The following LARGE1 variants were observed in gnomAD, a reference collection of about 807,000 sequenced individuals.
LARGE1 encodes the protein xylosyl- and glucuronyltransferase LARGE1.
LARGE1 carries 43 observed loss-of-function variants against 87.6 expected under a neutral mutation model. That is an observed-to-expected ratio of 0.49 (90% CI 0.38 to 0.63). The LOEUF is 0.63. Ranked by LOEUF, LARGE1 falls within the 30% of genes least tolerant of loss-of-function variation. The pLI is 0.00. For missense variants in LARGE1, 802 were observed against 1,000.2 expected (o/e 0.80, Z 2.67); for synonymous variants, 434 against 394.6 (o/e 1.10, Z -1.18).
chr22:33,869,109 T>C (rs1382624006), intron 1 of LARGE1, among the ~76,000 whole-genome samples: 2 of 152,174 alleles, frequency 1.3e-5, no homozygotes, highest in African/African-American at 4.8e-5. Flanking sequence ...ACCCTTTCAT[T>C]TGAAATCCAA....
intron 6 of LARGE1, among the ~76,000 whole-genome samples, chr22:33,476,943 G>A (rs1406787522): frequency 3.9e-5 from 6 of 152,182 alleles, no homozygotes; most frequent in Admixed American, 3.3e-4. Flanking sequence ...CGATTCTTCG[G>A]CTCGGTGACA....
At chr22:33,484,620 G>A (rs2069486230) in intron 6 of LARGE1, among the ~76,000 whole-genome samples, 1 of 152,128 alleles carries the variant, frequency 6.6e-6, no homozygotes, top group African/African-American at 2.4e-5. Flanking sequence ...ACAGGAGAGC[G>A]CTGGGTTCTA....
chr22:33,380,411 G>A (rs1193052811), intron 9 of LARGE1, among the ~76,000 whole-genome samples: 1 of 152,124 alleles, frequency 6.6e-6, no homozygotes, highest in Non-Finnish European at 1.5e-5. Context: ...TCTTTCTAAT[G>A]CTATAATTTC....
At chr22:33,521,752 G>A (rs1668023870) in intron 6 of LARGE1, among the ~76,000 whole-genome samples, 1 of 152,198 alleles carries the variant, frequency 6.6e-6, no homozygotes, top group Admixed American at 6.5e-5. Flanking sequence ...AGCAATGTCT[G>A]CAAGGGAAGC....
intron 1 of LARGE1, among the ~76,000 whole-genome samples, chr22:33,882,881 C>G (rs1360676554): frequency 1.3e-5 from 2 of 152,148 alleles, no homozygotes; most frequent in East Asian, 3.9e-4. Context: ...GCTCTTTTAA[C>G]TAATCACTCC....
intron 11 of LARGE1, among the ~76,000 whole-genome samples, chr22:33,237,651 G>A (rs943791562): frequency 1.3e-5 from 2 of 152,172 alleles, no homozygotes; most frequent in Admixed American, 6.6e-5. Flanking sequence ...AAATAATAAC[G>A]AGTTGTGATA....
intron 6 of LARGE1, among the ~76,000 whole-genome samples, chr22:33,501,397 G>C (rs1423307343): frequency 6.6e-6 from 1 of 152,168 alleles, no homozygotes; most frequent in African/African-American, 2.4e-5. Context: ...CAGGCCCTAG[G>C]GGGCATGAAT....
the LARGE1 span, among the ~76,000 whole-genome samples, chr22:33,132,897 T>C: frequency 1.3e-5 from 2 of 152,198 alleles, no homozygotes; most frequent in Non-Finnish European, 2.9e-5. Context: ...TATACTTTCT[T>C]TTTTAGGCTC....
chr22:33,566,999 T>C (rs986139264), intron 5 of LARGE1, among the ~76,000 whole-genome samples: 2 of 152,156 alleles, frequency 1.3e-5, no homozygotes, highest in African/African-American at 4.8e-5. Flanking sequence ...CCAGGCATCA[T>C]GGAGGTGGGG....
intron 3 of LARGE1, among the ~76,000 whole-genome samples, chr22:33,638,429 G>A (rs1399826989): frequency 6.6e-6 from 1 of 151,908 alleles, no homozygotes; most frequent in Admixed American, 6.5e-5. Context: ...ATTACCTCAT[G>A]GGGCTGCTAA....
At chr22:33,548,189 G>C (rs1383226936) in intron 6 of LARGE1, among the ~76,000 whole-genome samples, 1 of 152,174 alleles carries the variant, frequency 6.6e-6, no homozygotes, top group Admixed American at 6.5e-5. Context: ...TCTGGTGATA[G>C]AGTTCTCATG....
At chr22:33,859,678 A>G (rs1213467156) in intron 1 of LARGE1, among the ~76,000 whole-genome samples, 1 of 152,212 alleles carries the variant, frequency 6.6e-6, no homozygotes, top group African/African-American at 2.4e-5. Flanking sequence ...GATTAACGAA[A>G]TCAACAAAAT....
chr22:33,818,311 A>G (rs1010616960), intron 1 of LARGE1, among the ~76,000 whole-genome samples: 2 of 152,226 alleles, frequency 1.3e-5, no homozygotes, highest in Non-Finnish European at 2.9e-5. Flanking sequence ...TGTCGCTGCA[A>G]GGAGAACATA....
intron 6 of LARGE1, among the ~76,000 whole-genome samples, chr22:33,530,158 C>G (rs2072125412): frequency 6.6e-6 from 1 of 152,206 alleles, no homozygotes; most frequent in Non-Finnish European, 1.5e-5. Flanking sequence ...TAGCTTTGCT[C>G]TTGCTTCCTG....
intron 12 of LARGE1, 64 bp downstream of exon 12, chr22:33,304,165 G>T: frequency 3.8e-6 from 6 of 1,582,372 alleles, no homozygotes; most frequent in Non-Finnish European, 5.2e-6. Flanking sequence ...GGGCCTTTTG[G>T]TCCTGGCACT....
chr22:33,089,321 T>TTCTTTC, the LARGE1 span, among the ~76,000 whole-genome samples: 1,439 of 86,942 alleles, frequency 0.017, 12 homozygotes, highest in Middle Eastern at 0.043. Flanking sequence ...TTCTTTCTTC[T>TTCTTTC]TTCTTCTTCT....
intron 1 of LARGE1, among the ~76,000 whole-genome samples, chr22:33,786,522 A>C (rs2085645853): frequency 6.6e-6 from 1 of 152,198 alleles, no homozygotes; most frequent in Admixed American, 6.5e-5. Context: ...AACCTTATAA[A>C]GAGGTGCCTC....
At chr22:33,113,599 C>T in the LARGE1 span, among the ~76,000 whole-genome samples, 20 of 152,312 alleles carry the variant, frequency 1.3e-4, no homozygotes, top group East Asian at 3.5e-3. Flanking sequence ...AAGTGACTTG[C>T]CCAGAGTTGC....
intron 12 of LARGE1, among the ~76,000 whole-genome samples, chr22:33,291,382 A>C (rs995743618): frequency 1.3e-5 from 2 of 152,050 alleles, no homozygotes; most frequent in African/African-American, 2.4e-5. Flanking sequence ...AACTCCCTAA[A>C]TCCTGTCTGT....
Sources: allele counts gnomAD v4.1 joint callset (sites outside exome capture counted in the v4.1 genomes callset), GRCh38; gene constraint gnomAD v4.1.1; transcripts MANE v1.5; gene names NCBI Gene and HGNC (gene_info 2026-07-23, HGNC 2026-07-21).